The following EBF1 variants were observed in gnomAD, a reference collection of about 807,000 sequenced individuals.
EBF1 encodes the protein EBF transcription factor 1.
A neutral mutation model predicts 68.4 loss-of-function variants in EBF1; 10 were observed. The observed-to-expected ratio is 0.15, with a 90% CI of 0.09 to 0.25. The LOEUF is 0.25. EBF1 is among the 10% of genes least tolerant of loss of function. The pLI, the probability that EBF1 is intolerant of heterozygous loss-of-function variation, is 1.00. For synonymous variants in EBF1, 298 were observed against 299.8 expected, an observed-to-expected ratio of 0.99 and a Z score of 0.06; for missense variants, 509 against 794.4, an observed-to-expected ratio of 0.64 and a Z score of 4.32.
rs569547655 is a variant in EBF1, at chr5:159,031,099, G to A, written c.554+42297C>T. 4.8e-3 allele frequency among the ~76,000 whole-genome samples: 728 copies of A among 152,254 alleles called. 5 individuals are homozygous for A. Among genetic ancestry groups the A allele is most frequent in the Middle Eastern group, 6.8e-3 (2 of 294 alleles). ...TGAGGCAGGAGAATCGCTTGAACCC[G>A]CGAGGCGGAGGTTGTGGTGAGCTGA... On this transcript the variant is annotated intron_variant, in intron 6 of 15. Coordinates refer to ENST00000313708, the MANE Select transcript of EBF1 (RefSeq NM_024007.5).
rs1781479992 is a variant in EBF1 at position 158,805,811 on chromosome 5, A to G, written c.779-9336T>C. Among the ~76,000 whole-genome samples the G allele has an allele frequency of 2.6e-5, 4 of 152,052 alleles. No homozygotes were observed. In the South Asian group the frequency reaches 8.3e-4, roughly 32 times the overall value. ...TTAGATGATGTATAATTCCAATTGG[A>G]TGAATGATCCAAGCAGAAGATAGTC... On this transcript the variant is annotated intron_variant, in intron 8 of 15. Coordinates refer to ENST00000313708, the MANE Select transcript of EBF1 (RefSeq NM_024007.5).
At position 159,099,193 on chromosome 5, in the gene EBF1, C is replaced by A. The variant is rs1783184335; in HGVS notation, c.134+152G>T. 9.8e-6 allele frequency: 5 copies of A among 509,190 alleles called. No homozygotes were observed. The Admixed American group carries it at 1.4e-4, about 14-fold the overall frequency. The allele number at this position is 509,190 out of a possible 1,614,324, so 31.5% of individuals were successfully genotyped here. On this transcript the variant is annotated intron_variant, in intron 1 of 15. Transcript: ENST00000313708. ...CGACGAAGGCAGAGCGGCTGGAGAG[C>A]GCGGAGCCCCGGCGGAGAGCGGAGC...
At chr5:158,828,222 T>C (rs1439388699) in intron 7 of EBF1, among the ~76,000 whole-genome samples, 2 of 152,212 alleles carry the variant, frequency 1.3e-5, no homozygotes, top group African/African-American at 2.4e-5. Context: ...CAGGGAATTA[T>C]GTTGAGGGTA....
intron 9 of EBF1, among the ~76,000 whole-genome samples, chr5:158,788,022 C>CTGAATGAA (rs35253803): frequency 2.0e-4 from 30 of 151,742 alleles, no homozygotes; most frequent in Admixed American, 2.6e-4. Flanking sequence ...ATTTGTTTGA[C>CTGAATGAA]TGAATGAATG....
intron 4 of EBF1, 87 bp from the exon 5 acceptor site, chr5:159,084,826 A>G: frequency 1.6e-6 from 2 of 1,229,972 alleles, no homozygotes; most frequent in Non-Finnish European, 2.2e-6. Flanking sequence ...TAACCACTTC[A>G]CCACTACTGA....
At chr5:158,887,793 T>C (rs1220415611) in intron 6 of EBF1, among the ~76,000 whole-genome samples, 1 of 152,214 alleles carries the variant, frequency 6.6e-6, no homozygotes, top group Non-Finnish European at 1.5e-5. Context: ...TAAGATTCAC[T>C]TCAGTGGGAG....
intron 10 of EBF1, among the ~76,000 whole-genome samples, chr5:158,751,399 C>A (rs1768869835): frequency 6.6e-6 from 1 of 152,188 alleles, no homozygotes; most frequent in South Asian, 2.1e-4. Context: ...ACTGATGCCT[C>A]TTTGGAACCT....
In EBF1 at chr5:159,055,822, C is replaced by T. The variant is rs557159429; in HGVS notation, c.554+17574G>A. 5.2e-3 allele frequency among the ~76,000 whole-genome samples: 795 copies of T among 152,230 alleles called. 14 individuals carry two copies. Among genetic ancestry groups the T allele is most frequent in the Admixed American group, 0.025 (385 of 15,294 alleles). On this transcript the variant is annotated intron_variant, in intron 6 of 15. Coordinates refer to ENST00000313708, the MANE Select transcript of EBF1 (RefSeq NM_024007.5). ...TCCAATTTCCTTAATAGGTGAGTGC[C>T]CTGGGAGGACCACAAAGTGCTTCTG...
intron 6 of EBF1, among the ~76,000 whole-genome samples, chr5:158,937,660 G>T (rs1419696544): frequency 6.6e-6 from 1 of 152,176 alleles, no homozygotes; most frequent in Non-Finnish European, 1.5e-5. Flanking sequence ...ATTCGAGTGC[G>T]GAATGGCTTC....
Position 158,696,044 on chromosome 5 carries a change from A to G in EBF1, c.*3067T>C, listed in dbSNP as rs1207543777. 4.9e-6 allele frequency: 1 copy of G among 204,332 alleles called. No homozygotes were observed. The highest frequency in any genetic ancestry group is 1.0e-5 in the Non-Finnish European group (1 of 99,766). 12.7% of individuals were successfully genotyped at this position (204,332 alleles called of 1,614,324 possible). A position where few individuals can be genotyped will look rare whatever the true frequency, so the allele number is the denominator to read the frequency against. ...CAGTAGTTAGGTTCTCTAACAATTGAACTGTACAGTGTGTGTCTATTCAAA... is the reference window on the plus strand; with the variant it reads ...CAGTAGTTAGGTTCTCTAACAATTGGACTGTACAGTGTGTGTCTATTCAAA... On this transcript the variant is annotated 3_prime_UTR_variant, in exon 16 of 16. Transcript: ENST00000313708.
intron 6 of EBF1, among the ~76,000 whole-genome samples, chr5:159,001,951 G>A (rs562564321): frequency 2.6e-5 from 4 of 152,254 alleles, no homozygotes; most frequent in South Asian, 2.1e-4. Context: ...GTGTGCCTGC[G>A]TGCACGCATG....
intron 6 of EBF1, among the ~76,000 whole-genome samples, chr5:159,068,983 G>A (rs1777340615): frequency 6.6e-6 from 1 of 151,852 alleles, no homozygotes; most frequent in African/African-American, 2.4e-5. Flanking sequence ...TTAAAAATGG[G>A]GGAAAAAGGC....
intron 6 of EBF1, among the ~76,000 whole-genome samples, chr5:159,033,951 A>G (rs1259003966): frequency 1.3e-5 from 2 of 152,208 alleles, no homozygotes; most frequent in East Asian, 3.8e-4. Flanking sequence ...AAAATGGTGT[A>G]ATAAAAATGG....
At chr5:158,868,475 T>C (rs891067460) in intron 6 of EBF1, among the ~76,000 whole-genome samples, 1 of 152,190 alleles carries the variant, frequency 6.6e-6, no homozygotes, top group Admixed American at 6.5e-5. Flanking sequence ...GGTTTGTTTG[T>C]TTTTTTCTGG....
rs370219402 is a variant in EBF1 at position 158,882,272 on chromosome 5, G to A, written c.555-42162C>T. Among the ~76,000 whole-genome samples the A allele has an allele frequency of 7.2e-5, 11 of 152,310 alleles. 1 individual carries two copies. The highest frequency in any genetic ancestry group is 6.2e-4 in the South Asian group (3 of 4,832). On this transcript the variant is annotated intron_variant, in intron 6 of 15. Coordinates refer to ENST00000313708, the MANE Select transcript of EBF1 (RefSeq NM_024007.5). ...CATTAATCTATCTATTTACACAAGA[G>A]CAAGAAATGTTCATTTAGTAACGTC...
intron 6 of EBF1, among the ~76,000 whole-genome samples, chr5:159,057,104 CTTTTTT>C (rs1205129627): frequency 1.8e-5 from 2 of 110,658 alleles, no homozygotes; most frequent in African/African-American, 6.5e-5. Flanking sequence ...CTTTTCTTTT[CTTTTTT>C]TTTTTTTTTT....
rs78517422 is a variant in EBF1 at position 158,952,619 on chromosome 5, A to G, written c.555-112509T>C. ...TTGCAGCTAAATTATTTAAACAGCA[A>G]ATATAACAATACAATGCAATGCTCT... On this transcript the variant is annotated intron_variant, in intron 6 of 15. Coordinates refer to ENST00000313708, the MANE Select transcript of EBF1 (RefSeq NM_024007.5). 8.3e-3 allele frequency among the ~76,000 whole-genome samples: 1,272 copies of G among 152,384 alleles called. 8 individuals are homozygous for G. The highest frequency in any genetic ancestry group is 0.012 in the Non-Finnish European group (838 of 68,044).
intron 15 of EBF1, among the ~76,000 whole-genome samples, chr5:158,704,915 C>T (rs1395823354): frequency 2.0e-5 from 3 of 152,230 alleles, no homozygotes; most frequent in African/African-American, 7.2e-5. Context: ...TTAATTTCTC[C>T]ATCCGTATGT....
intron 6 of EBF1, among the ~76,000 whole-genome samples, chr5:159,032,620 A>G (rs1481777160): frequency 1.3e-5 from 2 of 152,236 alleles, no homozygotes; most frequent in South Asian, 2.1e-4. Flanking sequence ...GAAGAATTCT[A>G]TGGAAACATA....
Sources: gnomAD v4.1 joint callset for allele counts (sites outside exome capture counted in the v4.1 genomes callset) on GRCh38, gnomAD v4.1.1 for gene constraint, MANE v1.5 for transcripts, NCBI Gene and HGNC (gene_info 2026-07-23, HGNC 2026-07-21) for gene names.